Variants in BNC2 observed in about 807,000 individuals in gnomAD.
The protein encoded by BNC2 is zinc finger protein basonuclin-2.
A neutral mutation model predicts 76.3 loss-of-function variants in BNC2; 20 were observed. The ratio of observed to expected loss-of-function variants is 0.26; its 90% CI spans 0.18 to 0.38. The LOEUF (loss-of-function observed/expected upper bound fraction) is 0.38, where lower values mean the gene tolerates loss of function less well. Ranked by LOEUF, BNC2 falls within the 10% of genes least tolerant of loss-of-function variation. BNC2 has a pLI of 1.00. For missense variants in BNC2, 1,382 were observed against 1,399.8 expected, an observed-to-expected ratio of 0.99 and a Z score of 0.20; for synonymous variants, 582 against 514.8, an observed-to-expected ratio of 1.13 and a Z score of -1.77.
chr9:16,428,865 T>G (rs1285573765), intron 6 of BNC2, among the ~76,000 whole-genome samples: 2 of 152,206 alleles, frequency 1.3e-5, no homozygotes, highest in Non-Finnish European at 2.9e-5. Context: ...TTCAAGCAGC[T>G]TGCATTAGGA....
intron 3 of BNC2, among the ~76,000 whole-genome samples, chr9:16,617,372 A>G (rs1820736354): frequency 6.6e-6 from 1 of 152,194 alleles, no homozygotes; most frequent in Admixed American, 6.5e-5. Flanking sequence ...TAAAGAATGT[A>G]TCACCCAAAG....
rs570868796 is a variant in BNC2, at chr9:16,604,788, G to C, written c.331-21703C>G. On this transcript the variant is annotated intron_variant, in intron 3 of 6. Transcript: ENST00000380672. ...ACTACACTCCAGCCTGGGCAACAGA[G>C]AGAGATTCCAACTCAAGAAAAAAGA... 3.3e-5 allele frequency among the ~76,000 whole-genome samples: 5 copies of C among 151,946 alleles called. No homozygotes were observed. In the East Asian group the frequency reaches 9.7e-4, roughly 29 times the overall value.
At chr9:16,602,640 G>A (rs1820275210) in intron 3 of BNC2, among the ~76,000 whole-genome samples, 1 of 152,212 alleles carries the variant, frequency 6.6e-6, no homozygotes, top group Non-Finnish European at 1.5e-5. Context: ...ATTAGTGTCA[G>A]TTGTGATGGG....
intron 6 of BNC2, chr9:16,435,011 A>T (rs897469660): frequency 2.1e-6 from 1 of 471,282 alleles, no homozygotes; most frequent in Non-Finnish European, 4.4e-6. Context: ...TCATGTAAGG[A>T]ATGATAACAT....
chr9:16,481,297 G>C (rs192518584), intron 5 of BNC2, among the ~76,000 whole-genome samples: 7 of 152,200 alleles, frequency 4.6e-5, no homozygotes, highest in East Asian at 1.9e-4. Flanking sequence ...CAGGCTGCCC[G>C]AGCCAGCAGT....
At position 16,558,761 on chromosome 9, in the gene BNC2, T is replaced by A. The variant is rs570243252; in HGVS notation, c.434-5996A>T. 2.3e-4 allele frequency among the ~76,000 whole-genome samples: 35 copies of A among 151,984 alleles called. 1 individual carries two copies. Among genetic ancestry groups the A allele is most frequent in the Admixed American group, 2.2e-3 (33 of 15,268 alleles). On this transcript the variant is annotated intron_variant, in intron 4 of 6. Coordinates refer to ENST00000380672, the MANE Select transcript of BNC2 (RefSeq NM_017637.6). Reference sequence around the variant, plus strand: ...CTGGCCAACATGGTGAAACCACGTCTCTACTAAAAATACAAAAATTGTCCA... The same window carrying A: ...CTGGCCAACATGGTGAAACCACGTCACTACTAAAAATACAAAAATTGTCCA...
intron 3 of BNC2, among the ~76,000 whole-genome samples, chr9:16,663,126 TAC>T (rs1259480907): frequency 0.012 from 1,472 of 127,908 alleles, 38 homozygotes; most frequent in African/African-American, 0.043. Context: ...CCACTCTGTT[TAC>T]TCTTTTTTTT....
At chr9:16,535,477 T>C (rs546737284) in intron 5 of BNC2, among the ~76,000 whole-genome samples, 2 of 152,078 alleles carry the variant, frequency 1.3e-5, no homozygotes, top group South Asian at 2.1e-4. Flanking sequence ...TATGAGCACC[T>C]TTTTTTCTCC....
rs57587457 is a variant in BNC2, at chr9:16,677,578, A to AACAC, written c.330+50215_330+50218dup. Among the ~76,000 whole-genome samples, 427 of 139,342 alleles carry AACAC rather than the reference A, an allele frequency of 3.1e-3. 6 individuals are homozygous for AACAC. Among genetic ancestry groups the AACAC allele is most frequent in the African/African-American group, 0.01 (369 of 35,520 alleles). The allele number at this position is 139,342 out of a possible 152,430, so 91.4% of individuals were successfully genotyped here. A position where few individuals can be genotyped will look rare whatever the true frequency, so the allele number is the denominator to read the frequency against. On this transcript the variant is annotated intron_variant, in intron 3 of 6. Coordinates refer to ENST00000380672, the MANE Select transcript of BNC2 (RefSeq NM_017637.6). ...ACAAAGCTAGACTTTGTCTCAAACA[A>AACAC]ACACACACACACACACACACACACA...
At chr9:16,463,339 C>T (rs1221597792) in intron 5 of BNC2, among the ~76,000 whole-genome samples, 2 of 142,860 alleles carry the variant, frequency 1.4e-5, no homozygotes, top group Admixed American at 1.4e-4. Context: ...CTCTGTCGCC[C>T]AGGCTGGAGT....
chr9:16,604,861 T>A (rs77758719), intron 3 of BNC2, among the ~76,000 whole-genome samples: 1 of 152,092 alleles, frequency 6.6e-6, no homozygotes, highest in Admixed American at 6.5e-5. Flanking sequence ...CTATGTGAAT[T>A]TTACTTCAAT....
At chr9:16,529,385 T>C (rs1204178714) in intron 5 of BNC2, among the ~76,000 whole-genome samples, 1 of 152,198 alleles carries the variant, frequency 6.6e-6, no homozygotes, top group African/African-American at 2.4e-5. Context: ...AGATACATGA[T>C]AATGATAACA....
chr9:16,491,003 T>C (rs1327283192), intron 5 of BNC2, among the ~76,000 whole-genome samples: 2 of 152,048 alleles, frequency 1.3e-5, no homozygotes, highest in South Asian at 2.1e-4. Flanking sequence ...TGGCTCCATA[T>C]GAGCAGAGGT....
chr9:16,740,438 A>C (rs1001906216), intron 1 of BNC2, among the ~76,000 whole-genome samples: 1 of 152,250 alleles, frequency 6.6e-6, no homozygotes, highest in African/African-American at 2.4e-5. Flanking sequence ...AGTGTTCAAC[A>C]TAACATTCAT....
At chr9:16,590,364 G>C (rs796741762) in intron 3 of BNC2, among the ~76,000 whole-genome samples, 74 of 151,678 alleles carry the variant, frequency 4.9e-4, no homozygotes, top group African/African-American at 1.8e-3. Flanking sequence ...GGCTAATTTT[G>C]GTATTTTTAG....
chr9:16,834,744 T>C (rs1818663450), intron 1 of BNC2, among the ~76,000 whole-genome samples: 1 of 152,204 alleles, frequency 6.6e-6, no homozygotes, highest in South Asian at 2.1e-4. Context: ...CCCCAGAGTC[T>C]AGTATAATGT....
chr9:16,723,628 T>C (rs1824232122), intron 3 of BNC2, among the ~76,000 whole-genome samples: 1 of 152,140 alleles, frequency 6.6e-6, no homozygotes, highest in Non-Finnish European at 1.5e-5. Context: ...TTAAATGGAT[T>C]CTAGCAATGT....
intron 1 of BNC2, among the ~76,000 whole-genome samples, chr9:16,841,974 T>C (rs10962633): frequency 0.34 from 51,027 of 152,024 alleles, 9,946 homozygotes; most frequent in East Asian, 0.56. Context: ...CACGTCCATC[T>C]AATTTTCTAT....
chr9:16,827,729 T>C (rs1000992288), intron 1 of BNC2, among the ~76,000 whole-genome samples: 9 of 152,170 alleles, frequency 5.9e-5, no homozygotes, highest in African/African-American at 2.2e-4. Context: ...AGTATCATGG[T>C]ACATATGGGA....
Sources: gnomAD v4.1 joint callset for allele counts (sites outside exome capture counted in the v4.1 genomes callset) on GRCh38, gnomAD v4.1.1 for gene constraint, MANE v1.5 for transcripts, NCBI Gene and HGNC (gene_info 2026-07-23, HGNC 2026-07-21) for gene names.